Variants in SVEP1 observed in about 807,000 individuals in gnomAD.
SVEP1 encodes sushi, von Willebrand factor type A, EGF and pentraxin domain-containing protein 1.
In SVEP1, 164 loss-of-function variants were observed where a neutral mutation model predicts 367.3. That is an observed-to-expected ratio of 0.45 (90% confidence interval 0.39 to 0.51). The LOEUF is 0.51. Among genes scored for constraint, SVEP1 ranks in the 20% least tolerant of loss-of-function variants. SVEP1 has a pLI of 0.00. For synonymous variants in SVEP1, 1,666 were observed against 1,611.6 expected, an observed-to-expected ratio of 1.03 and a Z score of -0.81; for missense variants, 4,117 against 4,425.3, an observed-to-expected ratio of 0.93 and a Z score of 1.98.
At chr9:110,378,872 C>T (rs983927155) in intron 44 of SVEP1, among the ~76,000 whole-genome samples, 4 of 151,408 alleles carry the variant, frequency 2.6e-5, no homozygotes, top group Admixed American at 6.6e-5. Flanking sequence ...GTAACAAACC[C>T]GCATGTTGTG....
chr9:110,389,136 C>G lies in SVEP1; in HGVS notation c.9886+388G>C, dbSNP rs548942510. Among the ~76,000 whole-genome samples, 3 of 152,190 alleles carry G rather than the reference C, an allele frequency of 2.0e-5. No individual in the cohort carries two copies. The South Asian group carries it at 6.2e-4, about 32-fold the overall frequency. On this transcript the variant is annotated intron_variant, in intron 41 of 47. Transcript: ENST00000374469. The stretch of plus-strand genomic sequence containing the variant: ...AAAATATTAATATTAATTGATTTGA[C>G]AGATGGACCAACAGCACGTTAAAAG...
In SVEP1 at chr9:110,407,443, C is replaced by A. The variant is rs1387702937; in HGVS notation, c.8157G>T (p.Leu2719Phe). ...APSCISIECD[L>F]PTAPENGFLR... is the part of the protein sequence containing the mutation. ...AAAAGCCATTTTCAGGAGCAGTAGG[C>A]AAGTCACATTCAATTGAAATGCAGG... The change falls in exon 38 of 48, where the codon TTG becomes TTT. Residue 2719 changes from leucine (L) to phenylalanine (F), a missense_variant. Leu to Phe is a conservative substitution (Grantham distance 22). This residue lies in a region of SVEP1 where 1,765 missense variants were observed against 1,781.1 expected (regional missense o/e 0.99). Coordinates refer to ENST00000374469, the MANE Select transcript of SVEP1 (RefSeq NM_153366.4). 2 of 1,614,006 alleles carry A rather than the reference C, an allele frequency of 1.2e-6. No homozygotes were observed. The highest frequency in any genetic ancestry group is 3.3e-5 in the Admixed American group (2 of 60,026).
At chr9:110,394,207 G>A (rs957111824) in intron 40 of SVEP1, among the ~76,000 whole-genome samples, 4 of 151,830 alleles carry the variant, frequency 2.6e-5, no homozygotes, top group Non-Finnish European at 4.4e-5. Context: ...ACCAATATCC[G>A]CTGTTCTGCA....
At chr9:110,545,998 C>G in intron 3 of SVEP1, 117 bp downstream of exon 3, 1 of 1,260,876 alleles carries the variant, frequency 7.9e-7, no homozygotes, top group Non-Finnish European at 1.1e-6. Flanking sequence ...AAGAGATGTG[C>G]CACTGACCCC....
At chr9:110,443,957 G>A (rs1342960212) in intron 26 of SVEP1, among the ~76,000 whole-genome samples, 6 of 152,080 alleles carry the variant, frequency 3.9e-5, no homozygotes, top group Non-Finnish European at 8.8e-5. Flanking sequence ...ACACTGAGGG[G>A]TAGGAAAAAG....
chr9:110,538,340 C>T (rs758408082), intron 3 of SVEP1, among the ~76,000 whole-genome samples: 5 of 152,002 alleles, frequency 3.3e-5, no homozygotes, highest in Non-Finnish European at 5.9e-5. Context: ...TTATACCTTA[C>T]AAATCCATTA....
rs77320692 is a variant in SVEP1 at position 110,539,088 on chromosome 9, A to G, written c.964+7027T>C. Among the ~76,000 whole-genome samples the G allele has an allele frequency of 2.1e-4, 32 of 152,202 alleles. 2 individuals carry two copies. In the East Asian group the frequency reaches 6.2e-3, roughly 29 times the overall value. ...AGCAATGAGTTCTGTTCCACTTAAA[A>G]TTCTGGTATTAAAGTTTACTTCTTA... is the stretch of plus-strand genomic sequence containing the variant. On this transcript the variant is annotated intron_variant, in intron 3 of 47. Coordinates refer to ENST00000374469, the MANE Select transcript of SVEP1 (RefSeq NM_153366.4).
chr9:110,432,360 A>G, intron 31 of SVEP1, 102 bp downstream of exon 31: 1 of 1,414,802 alleles, frequency 7.1e-7, no homozygotes, highest in Non-Finnish European at 9.6e-7. Flanking sequence ...GGGATGAGAT[A>G]AAGTTAACAA....
chr9:110,479,508 A>G (rs1009772519), intron 13 of SVEP1, 127 bp downstream of exon 13: 3 of 1,090,494 alleles, frequency 2.8e-6, no homozygotes, highest in Non-Finnish European at 3.7e-6. Flanking sequence ...ATAATTTTAA[A>G]TATTAGGTAC....
chr9:110,557,314 T>C (rs1345019308), intron 1 of SVEP1, among the ~76,000 whole-genome samples: 1 of 152,224 alleles, frequency 6.6e-6, no homozygotes, highest in Non-Finnish European at 1.5e-5. Flanking sequence ...GCATTTATTT[T>C]CCTTATTACA....
Position 110,481,556 on chromosome 9 carries a change from C to A in SVEP1, c.2171-120G>T, listed in dbSNP as rs148098500. ...CTGTCTATCGCTATTTCTAGAAAAG[C>A]TTTTACCATATGTCTTTAGTGCAGG... is the stretch of plus-strand genomic sequence containing the variant. On this transcript the variant is annotated intron_variant, in intron 11 of 47. Transcript: ENST00000374469. 2.7e-3 allele frequency: 1,794 copies of A among 669,216 alleles called. 3 individuals are homozygous for A. Among genetic ancestry groups the A allele is most frequent in the Middle Eastern group, 6.5e-3 (15 of 2,296 alleles). The allele number at this position is 669,216 out of a possible 1,614,324, so 41.5% of individuals were successfully genotyped here.
intron 8 of SVEP1, among the ~76,000 whole-genome samples, chr9:110,490,936 T>C (rs1218250134): frequency 6.6e-6 from 1 of 152,008 alleles, no homozygotes; most frequent in African/African-American, 2.4e-5. Flanking sequence ...ACTGTAGTTT[T>C]AAAAATATTT....
chr9:110,395,817 T>C (rs1724043858), intron 40 of SVEP1, among the ~76,000 whole-genome samples: 2 of 152,016 alleles, frequency 1.3e-5, no homozygotes, highest in South Asian at 2.1e-4. Context: ...CCTAAATATA[T>C]ATGCACCCAA....
chr9:110,538,680 T>C (rs1396909675), intron 3 of SVEP1, among the ~76,000 whole-genome samples: 7 of 152,204 alleles, frequency 4.6e-5, no homozygotes, highest in Middle Eastern at 3.4e-3. Flanking sequence ...TTGGCCTCTA[T>C]CCAGCTATAA....
intron 40 of SVEP1, among the ~76,000 whole-genome samples, chr9:110,393,771 G>A (rs1827707713): frequency 6.6e-6 from 1 of 152,202 alleles, no homozygotes; most frequent in South Asian, 2.1e-4. Context: ...TAGAACAGCA[G>A]TCTGACATCA....
intron 3 of SVEP1, among the ~76,000 whole-genome samples, chr9:110,527,794 G>A (rs902770455): frequency 7.9e-5 from 12 of 151,536 alleles, no homozygotes; most frequent in Admixed American, 2.6e-4. Context: ...CACTCAAATG[G>A]TATATATCAT....
At chr9:110,492,099 G>C (rs1214687556) in intron 8 of SVEP1, among the ~76,000 whole-genome samples, 2 of 152,048 alleles carry the variant, frequency 1.3e-5, no homozygotes, top group African/African-American at 4.8e-5. Flanking sequence ...ACATGCAAAG[G>C]CTTAATAAAT....
intron 5 of SVEP1, among the ~76,000 whole-genome samples, chr9:110,508,441 A>G (rs1172056461): frequency 1.3e-5 from 2 of 152,196 alleles, no homozygotes; most frequent in Non-Finnish European, 2.9e-5. Flanking sequence ...AGAAACCACA[A>G]AAGAATCCTT....
At chr9:110,524,347 A>G (rs932424369) in intron 3 of SVEP1, among the ~76,000 whole-genome samples, 2 of 152,168 alleles carry the variant, frequency 1.3e-5, no homozygotes, top group Non-Finnish European at 2.9e-5. Context: ...TGAGATGCAG[A>G]GTATAAATAA....
Sources: allele counts gnomAD v4.1 joint callset (sites outside exome capture counted in the v4.1 genomes callset), GRCh38; gene constraint gnomAD v4.1.1; regional missense constraint gnomAD v4.1.1; transcripts MANE v1.5; gene names NCBI Gene and HGNC (gene_info 2026-07-23, HGNC 2026-07-21).